Variants in DACH1 observed in about 807,000 individuals in gnomAD.
The protein encoded by DACH1 is dachshund family transcription factor 1.
In DACH1, 12 loss-of-function variants were observed where a neutral mutation model predicts 54.2. The ratio of observed to expected loss-of-function variants is 0.22; its 90% CI spans 0.14 to 0.36. The LOEUF (loss-of-function observed/expected upper bound fraction) is 0.36, where lower values mean the gene tolerates loss of function less well. Among genes scored for constraint, DACH1 ranks in the 10% least tolerant of loss-of-function variants. The pLI is 1.00. For synonymous variants in DACH1, 386 were observed against 366.2 expected (o/e 1.05, Z -0.62); for missense variants, 805 against 929.8 (o/e 0.87, Z 1.75).
At chr13:71,682,029 G>T in intron 1 of DACH1, 119 bp from the exon 2 acceptor site, 1 of 586,098 alleles carries the variant, frequency 1.7e-6, no homozygotes, top group Non-Finnish European at 3.0e-6. Flanking sequence ...GGTTGCTTTT[G>T]CAGTTAGATG....
chr13:71,652,706 C>T (rs1252578766), intron 2 of DACH1, among the ~76,000 whole-genome samples: 1 of 152,070 alleles, frequency 6.6e-6, no homozygotes, highest in Non-Finnish European at 1.5e-5. Flanking sequence ...GCAGATATCT[C>T]AACTATAGCT....
At chr13:71,585,227 A>T (rs549549780) in intron 3 of DACH1, among the ~76,000 whole-genome samples, 4 of 152,302 alleles carry the variant, frequency 2.6e-5, no homozygotes, top group African/African-American at 9.6e-5. Flanking sequence ...TAAATAAAGT[A>T]ATATTATATG....
intron 3 of DACH1, among the ~76,000 whole-genome samples, chr13:71,578,851 G>A (rs1566355186): frequency 2.0e-5 from 3 of 152,024 alleles, no homozygotes; most frequent in Admixed American, 2.0e-4. Flanking sequence ...TGGAGGTTCT[G>A]GGTAAAAAAA....
intron 1 of DACH1, among the ~76,000 whole-genome samples, chr13:71,699,625 T>A (rs1350635281): frequency 6.6e-6 from 1 of 152,210 alleles, no homozygotes; most frequent in Non-Finnish European, 1.5e-5. Context: ...ACTGTCAATG[T>A]GAACACGATG....
intron 2 of DACH1, among the ~76,000 whole-genome samples, chr13:71,651,253 G>C (rs1041298268): frequency 6.6e-6 from 1 of 151,954 alleles, no homozygotes; most frequent in Non-Finnish European, 1.5e-5. Flanking sequence ...TGTAATCCCA[G>C]CACTTTGGGA....
intron 6 of DACH1, among the ~76,000 whole-genome samples, chr13:71,529,447 A>G (rs1882262832): frequency 6.6e-6 from 1 of 152,072 alleles, no homozygotes; most frequent in Non-Finnish European, 1.5e-5. Context: ...GGTCTCCCAA[A>G]GTGCTGGGAT....
chr13:71,788,297 T>C (rs1886689114), intron 1 of DACH1, among the ~76,000 whole-genome samples: 1 of 152,172 alleles, frequency 6.6e-6, no homozygotes, highest in African/African-American at 2.4e-5. Context: ...AGAGACACTC[T>C]AATGTTCTTT....
intron 1 of DACH1, among the ~76,000 whole-genome samples, chr13:71,687,584 C>T (rs533509359): frequency 7.9e-5 from 12 of 152,212 alleles, no homozygotes; most frequent in Non-Finnish European, 2.9e-5. Context: ...CTGTCATAAA[C>T]ATACATTATG....
In DACH1 at chr13:71,550,560, C is replaced by T. The variant is rs151047637; in HGVS notation, c.1570+6464G>A. Among the ~76,000 whole-genome samples the T allele has an allele frequency of 5.1e-3, 775 of 152,110 alleles. 6 individuals are homozygous for T. The highest frequency in any genetic ancestry group is 0.027 in the East Asian group (142 of 5,172). On this transcript the variant is annotated intron_variant, in intron 6 of 10. Transcript: ENST00000613252. Reference sequence around the variant, plus strand: ...ATAGTCTATATTTTATACCAATTGCCCATCATTTACAGGGCTGTTATGAAT... The same window carrying T: ...ATAGTCTATATTTTATACCAATTGCTCATCATTTACAGGGCTGTTATGAAT...
At chr13:71,662,759 T>C (rs1198580290) in intron 2 of DACH1, among the ~76,000 whole-genome samples, 1 of 152,020 alleles carries the variant, frequency 6.6e-6, no homozygotes, top group Non-Finnish European at 1.5e-5. Flanking sequence ...AAATGAAGTT[T>C]TGAGTTGAAT....
intron 10 of DACH1, among the ~76,000 whole-genome samples, chr13:71,470,026 C>T (rs1207867001): frequency 2.0e-5 from 3 of 152,130 alleles, no homozygotes; most frequent in African/African-American, 4.8e-5. Flanking sequence ...TGGTCTATAT[C>T]GCCATTGGTT....
At chr13:71,708,305 TC>T (rs1331888559) in intron 1 of DACH1, among the ~76,000 whole-genome samples, 3 of 152,178 alleles carry the variant, frequency 2.0e-5, no homozygotes, top group Non-Finnish European at 4.4e-5. Context: ...TCAAAGCAGT[TC>T]ATTTATTAAG....
At chr13:71,692,688 A>T (rs2138727514) in intron 1 of DACH1, among the ~76,000 whole-genome samples, 1 of 151,352 alleles carries the variant, frequency 6.6e-6, no homozygotes, top group South Asian at 2.1e-4. Context: ...ATGCCCGGCT[A>T]ATTTTTGTAT....
intron 2 of DACH1, among the ~76,000 whole-genome samples, chr13:71,638,556 C>A (rs1246740498): frequency 1.3e-5 from 2 of 151,892 alleles, no homozygotes; most frequent in South Asian, 4.2e-4. Flanking sequence ...ATGTTTACAG[C>A]CTTGTTTTTT....
intron 7 of DACH1, among the ~76,000 whole-genome samples, chr13:71,483,527 A>G (rs1334193435): frequency 6.8e-6 from 1 of 147,240 alleles, no homozygotes; most frequent in Non-Finnish European, 1.5e-5. Flanking sequence ...AATTATAATT[A>G]CAATAATTTT....
chr13:71,560,096 A>G, intron 4 of DACH1, 141 bp from the exon 5 acceptor site: 1 of 981,744 alleles, frequency 1.0e-6, no homozygotes, highest in Non-Finnish European at 1.4e-6. Flanking sequence ...TAACTGTACT[A>G]AAAGATATGT....
intron 3 of DACH1, among the ~76,000 whole-genome samples, chr13:71,616,985 G>A (rs568060755): frequency 2.0e-5 from 3 of 150,938 alleles, no homozygotes; most frequent in South Asian, 2.1e-4. Flanking sequence ...AGGTTCAAGT[G>A]ATTCTCCTGC....
At chr13:71,661,575 GAGA>G (rs973559241) in intron 2 of DACH1, among the ~76,000 whole-genome samples, 4 of 151,862 alleles carry the variant, frequency 2.6e-5, no homozygotes, top group East Asian at 3.9e-4. Flanking sequence ...ATATAATCCT[GAGA>G]AGGAGGATAC....
At chr13:71,794,409 T>C (rs1886958571) in intron 1 of DACH1, among the ~76,000 whole-genome samples, 1 of 152,164 alleles carries the variant, frequency 6.6e-6, no homozygotes, top group South Asian at 2.1e-4. Flanking sequence ...TACCCACTAA[T>C]CTCCTTTAAA....
Sources: allele counts gnomAD v4.1 joint callset (sites outside exome capture counted in the v4.1 genomes callset), GRCh38; gene constraint gnomAD v4.1.1; transcripts MANE v1.5; gene names NCBI Gene and HGNC (gene_info 2026-07-23, HGNC 2026-07-21).